Variants in STON1 observed in about 807,000 individuals in gnomAD.
STON1 encodes stonin-1.
A neutral mutation model predicts 60.9 loss-of-function variants in STON1; 79 were observed. The observed-to-expected ratio is 1.30, with a 90% CI of 1.08 to 1.56. The LOEUF (loss-of-function observed/expected upper bound fraction) is 1.56, where lower values mean the gene tolerates loss of function less well. Among genes scored for constraint, STON1 ranks in the 40% most tolerant of loss-of-function variants. STON1 has a pLI of 0.00. For synonymous variants in STON1, 363 were observed against 306.9 expected (o/e 1.18, Z -1.91); for missense variants, 1,166 against 858.9 (o/e 1.36, Z -4.47).
chr2:48,541,917 A>G (rs1671672255), intron 1 of STON1, among the ~76,000 whole-genome samples: 1 of 152,148 alleles, frequency 6.6e-6, no homozygotes, highest in Non-Finnish European at 1.5e-5. Flanking sequence ...TCAGTCCAGA[A>G]AAGATCTGAA....
At chr2:48,543,779 G>C (rs1175700610) in intron 1 of STON1, among the ~76,000 whole-genome samples, 1 of 152,150 alleles carries the variant, frequency 6.6e-6, no homozygotes, top group African/African-American at 2.4e-5. Flanking sequence ...TGATCCGCCT[G>C]CCTCAGCCCC....
intron 1 of STON1, among the ~76,000 whole-genome samples, chr2:48,542,497 C>T (rs914092715): frequency 5.3e-5 from 8 of 152,210 alleles, no homozygotes; most frequent in Non-Finnish European, 1.5e-5. Context: ...AGTGAGATAA[C>T]TGGAAATAAT....
intron 1 of STON1, among the ~76,000 whole-genome samples, chr2:48,567,364 G>A (rs1349125707): frequency 2.0e-5 from 3 of 152,048 alleles, no homozygotes; most frequent in African/African-American, 7.2e-5. Context: ...CCAAACTTTC[G>A]CTTTCCCCTT....
chr2:48,546,303 T>G (rs1480725224), intron 1 of STON1, among the ~76,000 whole-genome samples: 1 of 152,274 alleles, frequency 6.6e-6, no homozygotes, highest in Non-Finnish European at 1.5e-5. Context: ...CTGTGTCACC[T>G]GCATTAACTC....
At chr2:48,531,463 C>G (rs1327723847) in intron 1 of STON1, 1 of 152,374 alleles carries the variant, frequency 6.6e-6, no homozygotes, top group African/African-American at 2.4e-5. Context: ...TGTGGTTTTT[C>G]TGTCAGTAGT....
At chr2:48,577,796 A>T (rs750661037) in intron 1 of STON1, among the ~76,000 whole-genome samples, 16 of 151,206 alleles carry the variant, frequency 1.1e-4, no homozygotes, top group Non-Finnish European at 1.6e-4. Flanking sequence ...TTATATTTTT[A>T]GTAGAGACGC....
intron 2 of STON1, among the ~76,000 whole-genome samples, chr2:48,584,943 G>C (rs1267757599): frequency 6.6e-6 from 1 of 152,150 alleles, no homozygotes; most frequent in Non-Finnish European, 1.5e-5. Flanking sequence ...GGCCTAGTGA[G>C]CTGAGGAGCT....
At chr2:48,558,990 A>T (rs567958845) in intron 1 of STON1, among the ~76,000 whole-genome samples, 1 of 152,312 alleles carries the variant, frequency 6.6e-6, no homozygotes, top group Non-Finnish European at 1.5e-5. Context: ...GCTGAAAGGA[A>T]ATACTCATTG....
intron 1 of STON1, among the ~76,000 whole-genome samples, chr2:48,564,482 T>TTCTTCTTC (rs1558604809): frequency 7.8e-5 from 2 of 25,762 alleles, no homozygotes; most frequent in African/African-American, 3.0e-4. Context: ...TCTTCTTCTT[T>TTCTTCTTC]CTTCTTCTTC....
chr2:48,533,583 G>A (rs1177027851), intron 1 of STON1, among the ~76,000 whole-genome samples: 4 of 149,258 alleles, frequency 2.7e-5, no homozygotes, highest in Admixed American at 2.0e-4. Context: ...TCAGCTACTC[G>A]GGAGGCTGAA....
At chr2:48,575,620 T>C (rs1673440952) in intron 1 of STON1, among the ~76,000 whole-genome samples, 1 of 151,532 alleles carries the variant, frequency 6.6e-6, no homozygotes, top group Non-Finnish European at 1.5e-5. Context: ...GTCACTGCAC[T>C]CCAGCCTGGG....
chr2:48,556,250 G>A (rs1284086691), intron 1 of STON1, among the ~76,000 whole-genome samples: 1 of 28,224 alleles, frequency 3.5e-5, no homozygotes, highest in African/African-American at 1.2e-4. Context: ...GGACGGGGCG[G>A]CTGGCCGGGC....
At chr2:48,580,558 A>G in intron 1 of STON1, 29 bp from the exon 2 acceptor site, 1 of 1,320,594 alleles carries the variant, frequency 7.6e-7, no homozygotes, top group Non-Finnish European at 9.7e-7. Flanking sequence ...TTATATACCT[A>G]TTTTCTCTTT....
At chr2:48,533,939 T>C (rs1671323277) in intron 1 of STON1, among the ~76,000 whole-genome samples, 1 of 151,874 alleles carries the variant, frequency 6.6e-6, no homozygotes, top group Non-Finnish European at 1.5e-5. Flanking sequence ...CTGGCTAATT[T>C]TGTATTTTTA....
At chr2:48,559,354 C>A (rs886812393) in intron 1 of STON1, among the ~76,000 whole-genome samples, 1 of 152,174 alleles carries the variant, frequency 6.6e-6, no homozygotes, top group African/African-American at 2.4e-5. Flanking sequence ...CTCCAGTGGA[C>A]TTGATGTCTG....
chr2:48,557,065 G>A (rs1450351399), intron 1 of STON1, among the ~76,000 whole-genome samples: 12 of 101,630 alleles, frequency 1.2e-4, no homozygotes, highest in African/African-American at 3.3e-4. Flanking sequence ...CTGGCCGGGC[G>A]GGGGGCTGAC....
intron 1 of STON1, among the ~76,000 whole-genome samples, chr2:48,575,334 A>G (rs1673421172): frequency 6.6e-6 from 1 of 152,112 alleles, no homozygotes; most frequent in Non-Finnish European, 1.5e-5. Context: ...GAGAGTGCAA[A>G]TATTTTTTCA....
chr2:48,588,228 A>G (rs1008224735), intron 2 of STON1, among the ~76,000 whole-genome samples: 1 of 152,240 alleles, frequency 6.6e-6, no homozygotes, highest in Non-Finnish European at 1.5e-5. Flanking sequence ...GAATAGCAGG[A>G]TCCCAGAATG....
chr2:48,587,554 G>A (rs932491190), intron 2 of STON1, among the ~76,000 whole-genome samples: 10 of 152,152 alleles, frequency 6.6e-5, no homozygotes, highest in African/African-American at 2.4e-4. Context: ...GCCTCCCAAA[G>A]TGCTGGGATT....
Sources: allele counts gnomAD v4.1 joint callset (sites outside exome capture counted in the v4.1 genomes callset), GRCh38; gene constraint gnomAD v4.1.1; transcripts MANE v1.5; gene names NCBI Gene and HGNC (gene_info 2026-07-23, HGNC 2026-07-21).